Variants in PTPRG observed in about 807,000 individuals in gnomAD.
PTPRG encodes the protein receptor-type tyrosine-protein phosphatase gamma.
PTPRG carries 102 observed loss-of-function variants against 165.3 expected under a neutral mutation model. The ratio of observed to expected loss-of-function variants is 0.62; its 90% CI spans 0.53 to 0.73. The LOEUF is 0.73. Ranked by LOEUF, PTPRG falls within the 30% of genes least tolerant of loss-of-function variation. The probability of loss-of-function intolerance (pLI) is 0.00; values close to 1 mark genes in which losing one functional copy is unlikely to be tolerated. For missense variants in PTPRG, 1,866 were observed against 1,861.4 expected, an observed-to-expected ratio of 1.00 and a Z score of -0.05; for synonymous variants, 675 against 669.5, an observed-to-expected ratio of 1.01 and a Z score of -0.13.
intron 2 of PTPRG, among the ~76,000 whole-genome samples, chr3:61,827,764 A>G (rs1354816172): frequency 2.1e-4 from 32 of 152,186 alleles, no homozygotes; most frequent in Admixed American, 2.1e-3. Context: ...GATAAAATAC[A>G]AGCTTTTCTA....
chr3:61,746,892 C>T (rs1158933766), intron 1 of PTPRG, among the ~76,000 whole-genome samples: 11 of 152,214 alleles, frequency 7.2e-5, no homozygotes, highest in Admixed American at 7.2e-4. Context: ...GTGGCTCACA[C>T]CTGCCATCCC....
chr3:61,614,813 C>A (rs1296199281), intron 1 of PTPRG, among the ~76,000 whole-genome samples: 3 of 152,186 alleles, frequency 2.0e-5, no homozygotes, highest in Non-Finnish European at 4.4e-5. Flanking sequence ...CTCAGTAGCA[C>A]TGTATAGATT....
At chr3:61,987,472 T>C (rs970794374) in intron 2 of PTPRG, among the ~76,000 whole-genome samples, 2 of 152,196 alleles carry the variant, frequency 1.3e-5, no homozygotes, top group African/African-American at 4.8e-5. Flanking sequence ...AAATTGTTAG[T>C]AGTAGGAGGA....
chr3:62,030,780 C>CA (rs1699742554), intron 4 of PTPRG, among the ~76,000 whole-genome samples: 2 of 152,196 alleles, frequency 1.3e-5, no homozygotes, highest in African/African-American at 4.8e-5. Flanking sequence ...ATTAATTGTT[C>CA]AAAAAACTGA....
intron 2 of PTPRG, among the ~76,000 whole-genome samples, chr3:61,981,812 A>G (rs970935952): frequency 6.6e-6 from 1 of 152,186 alleles, no homozygotes; most frequent in African/African-American, 2.4e-5. Flanking sequence ...TTCTTATAAA[A>G]CATCACCACT....
chr3:61,590,312 AG>A (rs1180954555), intron 1 of PTPRG, among the ~76,000 whole-genome samples: 2 of 151,858 alleles, frequency 1.3e-5, no homozygotes, highest in Non-Finnish European at 2.9e-5. Flanking sequence ...ACTTGAGGTC[AG>A]GAGTTCAAGA....
At chr3:61,564,976 C>G (rs1699872247) in intron 1 of PTPRG, among the ~76,000 whole-genome samples, 1 of 152,236 alleles carries the variant, frequency 6.6e-6, no homozygotes, top group African/African-American at 2.4e-5. Flanking sequence ...ATCTGTTTGA[C>G]ATGAGGGATA....
chr3:62,059,726 C>T (rs746502901), intron 4 of PTPRG, among the ~76,000 whole-genome samples: 1 of 152,134 alleles, frequency 6.6e-6, no homozygotes, highest in Non-Finnish European at 1.5e-5. Flanking sequence ...TTCCATAATC[C>T]TCACATGTCA....
intron 10 of PTPRG, among the ~76,000 whole-genome samples, chr3:62,199,858 A>G (rs1308184965): frequency 6.6e-6 from 1 of 152,364 alleles, no homozygotes; most frequent in East Asian, 1.9e-4. Context: ...CTAAGTGTCC[A>G]TTGACCGATG....
chr3:62,121,007 C>A (rs1018163363), intron 5 of PTPRG, among the ~76,000 whole-genome samples: 2 of 151,870 alleles, frequency 1.3e-5, no homozygotes, highest in Admixed American at 6.6e-5. Flanking sequence ...TGCAGTGGCC[C>A]TATCTCGGCT....
chr3:61,968,468 T>G (rs2040318643), intron 2 of PTPRG, among the ~76,000 whole-genome samples: 1 of 152,158 alleles, frequency 6.6e-6, no homozygotes, highest in Non-Finnish European at 1.5e-5. Flanking sequence ...GATTCCCACA[T>G]GTAGACTCAT....
intron 6 of PTPRG, among the ~76,000 whole-genome samples, chr3:62,148,078 G>C (rs1240335666): frequency 1.3e-5 from 2 of 152,164 alleles, no homozygotes; most frequent in African/African-American, 4.8e-5. Flanking sequence ...CCCGGGAGGT[G>C]GAGGTTGCAG....
intron 3 of PTPRG, 75 bp downstream of exon 3, chr3:61,989,879 C>A: frequency 4.0e-6 from 6 of 1,514,874 alleles, no homozygotes; most frequent in East Asian, 2.3e-5. Context: ...TTTCCTTAAC[C>A]ATGACTTGCT....
intron 4 of PTPRG, among the ~76,000 whole-genome samples, chr3:62,063,703 A>G (rs1408500437): frequency 1.3e-5 from 2 of 152,106 alleles, no homozygotes; most frequent in Non-Finnish European, 1.5e-5. Context: ...TAGTATCGCT[A>G]TGTTGCCCAG....
chr3:61,601,885 G>A (rs974821613), intron 1 of PTPRG, among the ~76,000 whole-genome samples: 4 of 152,148 alleles, frequency 2.6e-5, no homozygotes, highest in African/African-American at 9.7e-5. Flanking sequence ...ATGTGAAGGA[G>A]GTAAAGTTAA....
chr3:61,911,590 G>T (rs1018635198), intron 2 of PTPRG, among the ~76,000 whole-genome samples: 2 of 152,028 alleles, frequency 1.3e-5, no homozygotes, highest in South Asian at 2.1e-4. Context: ...TATTTTACAT[G>T]TCATTACCTT....
intron 2 of PTPRG, among the ~76,000 whole-genome samples, chr3:61,814,384 T>C (rs529919876): frequency 7.9e-5 from 12 of 152,298 alleles, no homozygotes; most frequent in African/African-American, 2.9e-4. Context: ...CAAGAACAGC[T>C]GGAAGGACAG....
intron 2 of PTPRG, among the ~76,000 whole-genome samples, chr3:61,820,605 T>G (rs2035923760): frequency 3.1e-5 from 1 of 32,614 alleles, no homozygotes; most frequent in Non-Finnish European, 7.3e-5. Context: ...GTGTCTCTGT[T>G]TTTTTTTTTT....
intron 1 of PTPRG, among the ~76,000 whole-genome samples, chr3:61,594,236 A>G (rs918437907): frequency 3.0e-4 from 45 of 151,988 alleles, no homozygotes; most frequent in Admixed American, 1.4e-3. Context: ...AAACACAAAG[A>G]GAGGATGAAA....
Sources: gnomAD v4.1 joint callset for allele counts (sites outside exome capture counted in the v4.1 genomes callset) on GRCh38, gnomAD v4.1.1 for gene constraint, MANE v1.5 for transcripts, NCBI Gene and HGNC (gene_info 2026-07-23, HGNC 2026-07-21) for gene names.